Variants in ZNF638 observed in about 807,000 individuals in gnomAD.
The protein encoded by ZNF638 is CTCL tumor antigen se33-1.
In ZNF638, 46 loss-of-function variants were observed where a neutral mutation model predicts 195.6. The ratio of observed to expected loss-of-function variants is 0.24; its 90% CI spans 0.19 to 0.30. The LOEUF is 0.30. ZNF638 is among the 10% of genes least tolerant of loss of function. ZNF638 has a pLI of 1.00. For synonymous variants in ZNF638, 845 were observed against 772.0 expected (o/e 1.09, Z -1.57); for missense variants, 2,440 against 2,325.3 (o/e 1.05, Z -1.01).
intron 3 of ZNF638, 83 bp downstream of exon 3, chr2:71,355,863 T>C: frequency 1.5e-6 from 1 of 667,142 alleles, no homozygotes; most frequent in Non-Finnish European, 2.3e-6. Context: ...ATACCTTTAG[T>C]ATAATACTTT....
At chr2:71,381,239 A>G (rs146719418) in intron 10 of ZNF638, among the ~76,000 whole-genome samples, 4 of 152,198 alleles carry the variant, frequency 2.6e-5, no homozygotes, top group Admixed American at 6.5e-5. Flanking sequence ...AGGAACTTAC[A>G]TTGCGTTTTG....
intron 21 of ZNF638, among the ~76,000 whole-genome samples, chr2:71,421,262 C>T (rs1339174136): frequency 1.3e-5 from 2 of 151,720 alleles, no homozygotes; most frequent in African/African-American, 4.8e-5. Context: ...TGTCACTGCT[C>T]TTTTCTGGTT....
In ZNF638 at chr2:71,426,595, GAACTT is replaced by G. The variant is rs1320661161; in HGVS notation, c.4734_4738del (p.Asn1578LysfsTer14). The G allele has an allele frequency of 3.7e-6, 6 of 1,613,968 alleles. No homozygotes were observed. The highest frequency in any genetic ancestry group is 1.3e-5 in the African/African-American group (1 of 74,908). The stretch of plus-strand genomic sequence containing the variant: ...AACTCTCAAAAATGTTCCTTTCTCT[GAACTT>G]AACTTAAAGAAGAAAAAGGGGAAAA... On this transcript the variant is annotated frameshift_variant, in exon 24 of 28. Coordinates refer to ENST00000264447, the MANE Select transcript of ZNF638 (RefSeq NM_014497.5). LOFTEE classifies it high-confidence loss of function.
At chr2:71,404,181 T>C (rs947966640) in intron 17 of ZNF638, among the ~76,000 whole-genome samples, 183 bp downstream of exon 17, 2 of 152,318 alleles carry the variant, frequency 1.3e-5, no homozygotes, top group African/African-American at 4.8e-5. Flanking sequence ...GTTACTTTCA[T>C]AGTGAGGGAA....
chr2:71,375,396 G>A (rs2079402561), intron 8 of ZNF638: 1 of 152,068 alleles, frequency 6.6e-6, no homozygotes. Flanking sequence ...ACTACTGTCT[G>A]TAGAATGTAT....
intron 1 of ZNF638, among the ~76,000 whole-genome samples, chr2:71,340,665 T>C (rs1030252121): frequency 1.3e-5 from 2 of 152,202 alleles, no homozygotes; most frequent in East Asian, 1.9e-4. Flanking sequence ...CTTTCCTGCA[T>C]GTTATAGGGT....
chr2:71,347,165 G>A (rs2078864574), intron 1 of ZNF638, among the ~76,000 whole-genome samples: 1 of 152,186 alleles, frequency 6.6e-6, no homozygotes, highest in Non-Finnish European at 1.5e-5. Context: ...GATTGGAAGA[G>A]ATGAAGAGAT....
intron 20 of ZNF638, 63 bp from the exon 21 acceptor site, chr2:71,418,539 T>G (rs1015104072): frequency 8.5e-7 from 1 of 1,179,838 alleles, no homozygotes; most frequent in Non-Finnish European, 1.2e-6. Flanking sequence ...AAACATTGCT[T>G]TTATAGTTAA....
chr2:71,426,184 A>C (rs1188023110), intron 23 of ZNF638, among the ~76,000 whole-genome samples: 1 of 152,184 alleles, frequency 6.6e-6, no homozygotes, highest in African/African-American at 2.4e-5. Context: ...CATACTTCGA[A>C]ACTCTTCATT....
chr2:71,337,137 G>GT (rs34895501), intron 1 of ZNF638, among the ~76,000 whole-genome samples: 23,076 of 138,090 alleles, frequency 0.17, 1,888 homozygotes, highest in Non-Finnish European at 0.19. Context: ...ATTGCCTATA[G>GT]TTTTTTTTTT....
In ZNF638 at chr2:71,400,488, G is replaced by A; in HGVS notation, c.2667G>A (p.Leu889=). 1 of 1,606,636 alleles carries A rather than the reference G, an allele frequency of 6.2e-7. No homozygotes were observed. The highest frequency in any genetic ancestry group is 1.1e-5 in the South Asian group (1 of 89,488). Residue 889 remains leucine, a synonymous_variant, in exon 15 of 28, where the codon TTG becomes TTA. Coordinates refer to ENST00000264447, the MANE Select transcript of ZNF638 (RefSeq NM_014497.5). ...CAKEAISDAA[L]EATENEPLNK... ...TTATTTTGTATTAAGATGCTGCTTT[G>A]GAGGCCACAGAGAATGAACCACTTA...
chr2:71,384,365 A>T (rs1213505375), intron 10 of ZNF638, among the ~76,000 whole-genome samples: 2 of 152,228 alleles, frequency 1.3e-5, no homozygotes, highest in African/African-American at 4.8e-5. Flanking sequence ...TAAAGTCCAA[A>T]TTCTTTGGCT....
chr2:71,387,515 A>G (rs2079667031), intron 10 of ZNF638, among the ~76,000 whole-genome samples: 1 of 152,112 alleles, frequency 6.6e-6, no homozygotes, highest in South Asian at 2.1e-4. Context: ...TACTAAAAAT[A>G]CAAAAATTAG....
intron 1 of ZNF638, among the ~76,000 whole-genome samples, chr2:71,332,419 G>C (rs1558821300): frequency 2.0e-5 from 3 of 152,216 alleles, no homozygotes; most frequent in Non-Finnish European, 4.4e-5. Flanking sequence ...GGTTGGGGAG[G>C]GGGTGTCGGG....
intron 11 of ZNF638, among the ~76,000 whole-genome samples, chr2:71,396,619 A>ATCTCT (rs1183054026): frequency 6.6e-6 from 1 of 152,174 alleles, no homozygotes; most frequent in East Asian, 1.9e-4. Context: ...ATTCAGGGTC[A>ATCTCT]TCTCTTTAAG....
rs780581680 is a variant in ZNF638, at chr2:71,396,157, C to A, written c.2394C>A (p.Ala798=). 10 of 1,613,246 alleles carry A rather than the reference C, an allele frequency of 6.2e-6. No homozygotes were observed. Among genetic ancestry groups the A allele is most frequent in the Non-Finnish European group, 7.6e-6 (9 of 1,179,746 alleles). Residue 798 remains alanine, a synonymous_variant, in exon 11 of 28, where the codon GCC becomes GCA. Transcript: ENST00000264447. Reference sequence around the variant, plus strand: ...TTGTTTTAGCCAAAACTGGACAAGCCAAGGCATCTGTAGCCAAAGTAAACA... The same window carrying A: ...TTGTTTTAGCCAAAACTGGACAAGCAAAGGCATCTGTAGCCAAAGTAAACA... The part of the protein sequence containing the change: ...TSTSAAKTGQ[A]KASVAKVNKS...
intron 1 of ZNF638, among the ~76,000 whole-genome samples, chr2:71,344,425 A>G (rs1441860747): frequency 6.6e-6 from 1 of 152,216 alleles, no homozygotes; most frequent in Admixed American, 6.5e-5. Flanking sequence ...TTCTAACTAT[A>G]TATTGTATCA....
chr2:71,346,999 G>T (rs1438376310), intron 1 of ZNF638, among the ~76,000 whole-genome samples: 1 of 151,786 alleles, frequency 6.6e-6, no homozygotes, highest in African/African-American at 2.4e-5. Context: ...ACTCCAGCCT[G>T]AGTGACAAAG....
At position 71,426,766 on chromosome 2, in the gene ZNF638, G is replaced by A; in HGVS notation, c.4897G>A (p.Glu1633Lys). Residue 1633 changes from glutamate to lysine, a missense_variant, in exon 24 of 28, where the codon GAA becomes AAA. By Grantham distance (56) the Glu-to-Lys change is moderately conservative. Transcript: ENST00000264447. ...EVIDEEELNM[E>K]EMVKNSNSLF... ...AATTGATGAAGAAGAACTAAATATGGAAGAAATGGTAAAAAATTCAAATTC... is the reference window on the plus strand; with the variant it reads ...AATTGATGAAGAAGAACTAAATATGAAAGAAATGGTAAAAAATTCAAATTC... The A allele has an allele frequency of 6.2e-7, 1 of 1,613,290 alleles. No individual in the cohort carries two copies.
Sources: allele counts gnomAD v4.1 joint callset (sites outside exome capture counted in the v4.1 genomes callset), GRCh38; gene constraint gnomAD v4.1.1; transcripts MANE v1.5; gene names NCBI Gene and HGNC (gene_info 2026-07-23, HGNC 2026-07-21).